The following TRPA1 variants were observed in gnomAD, a reference collection of about 807,000 sequenced individuals.
TRPA1 encodes transient receptor potential cation channel subfamily A member 1, also known as ankyrin-like with transmembrane domains 1.
Under a neutral mutation model 131.3 loss-of-function variants are expected in TRPA1, and 129 were observed. The observed-to-expected ratio is 0.98, with a 90% CI of 0.85 to 1.14. The LOEUF (loss-of-function observed/expected upper bound fraction) is 1.14, where lower values mean the gene tolerates loss of function less well. TRPA1 is among the 50% of genes most tolerant of loss of function. TRPA1 has a pLI of 0.00. For missense variants in TRPA1, 1,304 were observed against 1,354.2 expected, an observed-to-expected ratio of 0.96 and a Z score of 0.58; for synonymous variants, 441 against 451.7, an observed-to-expected ratio of 0.98 and a Z score of 0.30.
intron 17 of TRPA1, among the ~76,000 whole-genome samples, chr8:72,042,005 T>C (rs1198678935): frequency 1.3e-5 from 2 of 151,864 alleles, no homozygotes; most frequent in African/African-American, 4.8e-5. Flanking sequence ...TTATCGACTA[T>C]GACACCAACA....
the TRPA1 span, among the ~76,000 whole-genome samples, chr8:72,090,006 C>T: frequency 7.2e-5 from 11 of 151,988 alleles, no homozygotes; most frequent in South Asian, 1.0e-3. Flanking sequence ...AATAATCAAG[C>T]GGAGAAGTGT....
chr8:72,052,799 G>A, intron 13 of TRPA1, 34 bp from the exon 14 acceptor site: 2 of 1,610,548 alleles, frequency 1.2e-6, no homozygotes, highest in South Asian at 1.1e-5. Flanking sequence ...AAAACGTGGT[G>A]ACAGTGTCTA....
At chr8:72,032,774 A>T (rs13259533) in intron 23 of TRPA1, among the ~76,000 whole-genome samples, 37,737 of 152,148 alleles carry the variant, frequency 0.25, 4,924 homozygotes, top group Middle Eastern at 0.42. Flanking sequence ...AACTCTGGAG[A>T]TGTATCAAAT....
Position 72,059,392 on chromosome 8 carries a change from C to A in TRPA1, c.991G>T (p.Val331Leu). ...HHELADYLISVGADINKIDSE... is the reference protein window; with the variant it reads ...HHELADYLISLGADINKIDSE... ...AAACCAGTAAAAGGAATAGTTACCA[C>A]TGAAATTAAATAGTCTGCTAGCTCA... The change falls in exon 8 of 27, where the codon GTG becomes TTG. Residue 331 changes from valine (V) to leucine (L), a missense_variant and splice_region_variant. By Grantham distance (32) the Val-to-Leu change is conservative. Coordinates refer to ENST00000262209, the MANE Select transcript of TRPA1 (RefSeq NM_007332.3). 1 of 1,565,964 alleles carries A rather than the reference C, an allele frequency of 6.4e-7. No individual in the cohort carries two copies. The highest frequency in any genetic ancestry group is 1.2e-5 in the South Asian group (1 of 85,546).
rs575419759 is a variant in TRPA1 at position 72,021,805 on chromosome 8, G to C, written c.*1101C>G. The stretch of plus-strand genomic sequence containing the variant: ...TAAACATCATGTCCAGTAAAAAGGA[G>C]TAACAAATAGAAATGAGTAGAAAAA... On this transcript the variant is annotated 3_prime_UTR_variant, in exon 27 of 27. Coordinates refer to ENST00000262209, the MANE Select transcript of TRPA1 (RefSeq NM_007332.3). The C allele has an allele frequency of 1.3e-5, 2 of 152,080 alleles. No homozygotes were observed. Among genetic ancestry groups the C allele is most frequent in the South Asian group, 4.2e-4 (2 of 4,812 alleles). The allele number at this position is 152,080 out of a possible 1,614,324, so 9.4% of individuals were successfully genotyped here.
chr8:72,047,291 A>C (rs1805359031), intron 15 of TRPA1, 84 bp from the exon 16 acceptor site: 2 of 991,740 alleles, frequency 2.0e-6, no homozygotes, highest in East Asian at 4.8e-5. Context: ...GAAATAATAC[A>C]CAAGACATTC....
rs1339264000 is a variant in TRPA1 at position 72,075,477 on chromosome 8, C to T, written c.-68G>A. 5 of 1,306,336 alleles carry T rather than the reference C, an allele frequency of 3.8e-6. No homozygotes were observed. In the Admixed American group the frequency reaches 8.4e-5, roughly 22 times the overall value. 80.9% of individuals were successfully genotyped at this position (1,306,336 alleles called of 1,614,324 possible). On this transcript the variant is annotated 5_prime_UTR_variant, in exon 1 of 27. Coordinates refer to ENST00000262209, the MANE Select transcript of TRPA1 (RefSeq NM_007332.3). ...CGCGCGGGCACCTGGGGCGAGAGAG[C>T]GCTGTCAGCCTGCCAGGCGCTGGGG...
intron 12 of TRPA1, 165 bp downstream of exon 12, chr8:72,055,271 T>C: frequency 1.6e-6 from 1 of 638,976 alleles, no homozygotes. Context: ...TGACTTCCCT[T>C]TCAGTATTTT....
At position 72,056,965 on chromosome 8, in the gene TRPA1, A is replaced by G; in HGVS notation, c.1146T>C (p.Thr382=). The G allele has an allele frequency of 6.2e-7, 1 of 1,609,788 alleles. No individual in the cohort carries two copies. Among genetic ancestry groups the G allele is most frequent in the Non-Finnish European group, 8.5e-7 (1 of 1,178,192 alleles). ...TTTTTAATCCATAAGGTTGCTGTAC[A>G]GTTAAATGCAGAAAATTACGTCCAA... is the stretch of plus-strand genomic sequence containing the variant. ...DNFGRNFLHL[T]VQQPYGLKNL... is the part of the protein sequence containing the mutation. The change falls in exon 10 of 27, where the codon ACT becomes ACC. Residue 382 remains threonine, a synonymous_variant. Transcript: ENST00000262209.
chr8:72,024,782 G>C (rs1196543998), intron 25 of TRPA1, among the ~76,000 whole-genome samples: 1 of 152,144 alleles, frequency 6.6e-6, no homozygotes, highest in Admixed American at 6.5e-5. Flanking sequence ...TGAGAAATCA[G>C]TTGCTGAGCA....
At chr8:72,069,285 G>T in intron 2 of TRPA1, 87 bp from the exon 3 acceptor site, 1 of 1,320,790 alleles carries the variant, frequency 7.6e-7, no homozygotes, top group Non-Finnish European at 1.1e-6. Flanking sequence ...AAAACTCAGT[G>T]CCAAGTGCAA....
intron 25 of TRPA1, among the ~76,000 whole-genome samples, chr8:72,024,781 A>C (rs1248190993): frequency 6.6e-6 from 1 of 152,158 alleles, no homozygotes; most frequent in East Asian, 1.9e-4. Flanking sequence ...TTGAGAAATC[A>C]GTTGCTGAGC....
At chr8:72,023,237 C>T in intron 26 of TRPA1, 121 bp from the exon 27 acceptor site, 1 of 797,168 alleles carries the variant, frequency 1.3e-6, no homozygotes, top group South Asian at 1.6e-5. Flanking sequence ...TAGGTTTTAA[C>T]CTCGGTAGTC....
intron 17 of TRPA1, among the ~76,000 whole-genome samples, chr8:72,044,442 T>G (rs1812358386): frequency 6.6e-6 from 1 of 152,032 alleles, no homozygotes; most frequent in African/African-American, 2.4e-5. Flanking sequence ...AACAATCCTC[T>G]TACGTTTCTG....
At chr8:72,078,884 G>A (rs1412678286), upstream of TRPA1, among the ~76,000 whole-genome samples, 1 of 151,968 alleles carries the variant, frequency 6.6e-6, no homozygotes, top group Non-Finnish European at 1.5e-5. Context: ...AGCAGTGTAT[G>A]AGGATTCTAC....
At chr8:72,084,581 A>T in the TRPA1 span, among the ~76,000 whole-genome samples, 1 of 151,666 alleles carries the variant, frequency 6.6e-6, no homozygotes, top group African/African-American at 2.4e-5. Flanking sequence ...AAGTTTTTCT[A>T]AAAATTATCT....
intron 2 of TRPA1, among the ~76,000 whole-genome samples, 192 bp downstream of exon 2, chr8:72,071,519 A>T (rs1475077731): frequency 1.3e-5 from 2 of 152,218 alleles, no homozygotes; most frequent in Non-Finnish European, 1.5e-5. Context: ...GATCTCTGTA[A>T]TATGCTTTGC....
In TRPA1 at chr8:72,071,590, G is replaced by GA. The variant is rs557004246; in HGVS notation, c.268+120dup. On this transcript the variant is annotated intron_variant, in intron 2 of 26. Coordinates refer to ENST00000262209, the MANE Select transcript of TRPA1 (RefSeq NM_007332.3). ...TGTAGGAAAACCCACAATTCTAAGT[G>GA]AAATATATAGGCTCTTTATAATTAG... 8.3e-4 allele frequency: 953 copies of GA among 1,144,038 alleles called. 10 individuals carry two copies. In the African/African-American group the frequency reaches 0.013, roughly 15 times the overall value. The allele number at this position is 1,144,038 out of a possible 1,614,324, so 70.9% of individuals were successfully genotyped here.
rs1563384314 is a variant in TRPA1 at position 72,034,287 on chromosome 8, C to A, written c.2646G>T (p.Leu882=). The part of the protein sequence containing the change: ...RSTVVFIFLL[L]AFGLSFYILL... ...GGATGTAAAAGCTGAGTCCAAAAGCCAGAAGAAGGAAGATAAATACAACTG... is the reference window on the plus strand; with the variant it reads ...GGATGTAAAAGCTGAGTCCAAAAGCAAGAAGAAGGAAGATAAATACAACTG... Residue 882 remains leucine (L), a synonymous_variant, in exon 22 of 27, where the codon CTG becomes CTT. Transcript: ENST00000262209. 1 of 1,607,906 alleles carries A rather than the reference C, an allele frequency of 6.2e-7. No homozygotes were observed. The highest frequency in any genetic ancestry group is 1.1e-5 in the South Asian group (1 of 89,328).
Sources: allele counts gnomAD v4.1 joint callset (sites outside exome capture counted in the v4.1 genomes callset), GRCh38; gene constraint gnomAD v4.1.1; transcripts MANE v1.5; gene names NCBI Gene and HGNC (gene_info 2026-07-23, HGNC 2026-07-21).